The following HS6ST3 variants were observed in gnomAD, a reference collection of about 807,000 sequenced individuals.
HS6ST3 encodes heparan-sulfate 6-O-sulfotransferase 3.
Under a neutral mutation model 36.7 loss-of-function variants are expected in HS6ST3, and 12 were observed. The ratio of observed to expected loss-of-function variants is 0.33; its 90% confidence interval spans 0.21 to 0.53. The LOEUF (loss-of-function observed/expected upper bound fraction) is 0.53, where lower values mean the gene tolerates loss of function less well. Among genes scored for constraint, HS6ST3 ranks in the 20% least tolerant of loss-of-function variants. The pLI, the probability that HS6ST3 is intolerant of heterozygous loss-of-function variation, is 0.95. For missense variants in HS6ST3, 584 were observed against 640.9 expected (o/e 0.91, Z 0.96); for synonymous variants, 240 against 257.5 (o/e 0.93, Z 0.65).
intron 1 of HS6ST3, among the ~76,000 whole-genome samples, chr13:96,728,773 G>C (rs1015174528): frequency 6.6e-6 from 1 of 152,138 alleles, no homozygotes; most frequent in East Asian, 1.9e-4. Context: ...GTTCAAGGGA[G>C]AGCCACAATT....
chr13:96,176,845 T>C (rs1231359940), intron 1 of HS6ST3, among the ~76,000 whole-genome samples: 1 of 152,118 alleles, frequency 6.6e-6, no homozygotes, highest in East Asian at 1.9e-4. Context: ...ACCTACAGAA[T>C]GGGAGAAAAT....
intron 1 of HS6ST3, among the ~76,000 whole-genome samples, chr13:96,618,301 A>G (rs1273366593): frequency 6.6e-6 from 1 of 152,052 alleles, no homozygotes; most frequent in Non-Finnish European, 1.5e-5. Context: ...GGGTCTTGCT[A>G]TGTTACCCAG....
chr13:96,469,181 T>C (rs566310249), intron 1 of HS6ST3, among the ~76,000 whole-genome samples: 68 of 152,178 alleles, frequency 4.5e-4, no homozygotes, highest in Non-Finnish European at 8.2e-4. Flanking sequence ...TTCCCATGCA[T>C]GTTTTGTAAT....
intron 1 of HS6ST3, among the ~76,000 whole-genome samples, chr13:96,209,081 G>T (rs2054386087): frequency 6.6e-6 from 1 of 152,190 alleles, no homozygotes; most frequent in South Asian, 2.1e-4. Flanking sequence ...CCATAGACTT[G>T]TCAATTGTAA....
chr13:96,523,106 C>G (rs2056100137), intron 1 of HS6ST3, among the ~76,000 whole-genome samples: 1 of 152,178 alleles, frequency 6.6e-6, no homozygotes, highest in Non-Finnish European at 1.5e-5. Context: ...GATATTATTT[C>G]TCCTTCACTT....
At chr13:96,698,380 A>G (rs144038284) in intron 1 of HS6ST3, among the ~76,000 whole-genome samples, 2,273 of 152,208 alleles carry the variant, frequency 0.015, 56 homozygotes, top group African/African-American at 0.051. Context: ...TGAACTCATC[A>G]TTTTTTATGA....
At chr13:96,269,650 A>G (rs2054709942) in intron 1 of HS6ST3, among the ~76,000 whole-genome samples, 1 of 152,054 alleles carries the variant, frequency 6.6e-6, no homozygotes, top group Non-Finnish European at 1.5e-5. Flanking sequence ...TACTAGACCC[A>G]AAGGAAAGTC....
At chr13:96,232,641 TCCAGGGAGC>T (rs1407749860) in intron 1 of HS6ST3, among the ~76,000 whole-genome samples, 1 of 152,006 alleles carries the variant, frequency 6.6e-6, no homozygotes, top group African/African-American at 2.4e-5. Flanking sequence ...CAGGAGGGTT[TCCAGGGAGC>T]CCAGAGACAA....
At chr13:96,489,067 A>T (rs1472503001) in intron 1 of HS6ST3, among the ~76,000 whole-genome samples, 1 of 152,058 alleles carries the variant, frequency 6.6e-6, no homozygotes, top group Non-Finnish European at 1.5e-5. Context: ...AAAAATAAAT[A>T]ACATTGTAAT....
chr13:96,399,014 A>T lies in HS6ST3; in HGVS notation c.707+307445A>T, dbSNP rs181568042. 7.3e-4 allele frequency among the ~76,000 whole-genome samples: 111 copies of T among 152,310 alleles called. 2 individuals are homozygous for T. The highest frequency in any genetic ancestry group is 3.1e-3 in the South Asian group (15 of 4,830). ...CAACTTTTGAGACCCTGAGCACAGG[A>T]CCCAGCTATGCTGGGCCCAGACTCC... On this transcript the variant is annotated intron_variant, in intron 1 of 1. Coordinates refer to ENST00000376705, the MANE Select transcript of HS6ST3 (RefSeq NM_153456.4).
chr13:96,572,686 G>C (rs1230019341), intron 1 of HS6ST3, among the ~76,000 whole-genome samples: 2 of 149,608 alleles, frequency 1.3e-5, no homozygotes, highest in Non-Finnish European at 3.0e-5. Context: ...AATCTTTAAT[G>C]AACTAGTTCA....
intron 1 of HS6ST3, among the ~76,000 whole-genome samples, chr13:96,456,926 A>C (rs530326169): frequency 3.0e-4 from 46 of 152,276 alleles, no homozygotes; most frequent in Admixed American, 1.6e-3. Flanking sequence ...TAAAATGCAT[A>C]TTTATAAGAT....
At position 96,090,354 on chromosome 13, in the gene HS6ST3, G is replaced by A. The variant is rs1257080738; in HGVS notation, c.-509G>A. 6.8e-6 allele frequency among the ~76,000 whole-genome samples: 1 copy of A among 146,410 alleles called. No individual in the cohort carries two copies. The highest frequency in any genetic ancestry group is 6.8e-5 in the Admixed American group (1 of 14,750). On this transcript the variant is annotated 5_prime_UTR_variant, in exon 1 of 2. In the 5' UTR this introduces an upstream ATG that the reference lacks. Transcript: ENST00000376705. Reference sequence around the variant, plus strand: ...GCGCCGGGCGCGCGTGCCGGGCGCGGTGCCCGCGGCCGGCCGGGGCGGCGG... The same window carrying A: ...GCGCCGGGCGCGCGTGCCGGGCGCGATGCCCGCGGCCGGCCGGGGCGGCGG...
At chr13:96,655,721 C>G (rs2056622366) in intron 1 of HS6ST3, among the ~76,000 whole-genome samples, 1 of 152,084 alleles carries the variant, frequency 6.6e-6, no homozygotes, top group African/African-American at 2.4e-5. Flanking sequence ...TCCTACTGAT[C>G]TTGTCCCTTC....
intron 1 of HS6ST3, among the ~76,000 whole-genome samples, chr13:96,505,520 C>G (rs2056022723): frequency 6.6e-6 from 1 of 152,142 alleles, no homozygotes; most frequent in African/African-American, 2.4e-5. Context: ...CCCTGTAGCT[C>G]TCTCTGTCAC....
chr13:96,652,601 T>C (rs2056611319), intron 1 of HS6ST3, among the ~76,000 whole-genome samples: 1 of 152,108 alleles, frequency 6.6e-6, no homozygotes, highest in Non-Finnish European at 1.5e-5. Flanking sequence ...AGCCCTATGA[T>C]TTGAAAGCAC....
At chr13:96,630,648 T>C (rs948243099) in intron 1 of HS6ST3, among the ~76,000 whole-genome samples, 3 of 152,136 alleles carry the variant, frequency 2.0e-5, no homozygotes, top group South Asian at 2.1e-4. Context: ...GCTACCCAAA[T>C]AGAGAGTCAG....
At chr13:96,592,933 C>T (rs1172040388) in intron 1 of HS6ST3, among the ~76,000 whole-genome samples, 1 of 151,876 alleles carries the variant, frequency 6.6e-6, no homozygotes, top group African/African-American at 2.4e-5. Context: ...GTTAAATCTT[C>T]CTGGTGTTCT....
chr13:96,370,455 G>T (rs1430000156), intron 1 of HS6ST3, among the ~76,000 whole-genome samples: 1 of 152,178 alleles, frequency 6.6e-6, no homozygotes, highest in East Asian at 1.9e-4. Context: ...AAGTTATGAA[G>T]CATAACAATA....
Sources: allele counts gnomAD v4.1 joint callset (sites outside exome capture counted in the v4.1 genomes callset), GRCh38; gene constraint gnomAD v4.1.1; transcripts MANE v1.5; gene names NCBI Gene and HGNC (gene_info 2026-07-23, HGNC 2026-07-21).